Variants in PCDHA4 observed in about 807,000 individuals in gnomAD.
The protein encoded by PCDHA4 is protocadherin alpha 4, also known as protocadherin alpha-4.
Under a neutral mutation model 61.4 loss-of-function variants are expected in PCDHA4, and 49 were observed. That is an observed-to-expected ratio of 0.80 (90% CI 0.63 to 1.01). The LOEUF (loss-of-function observed/expected upper bound fraction) is 1.01. Among genes scored for constraint, PCDHA4 ranks in the 50% least tolerant of loss-of-function variants. The pLI is 0.00. For missense variants in PCDHA4, 1,254 were observed against 1,235.8 expected (o/e 1.01, Z -0.22); for synonymous variants, 590 against 550.3 (o/e 1.07, Z -1.01).
At position 140,980,684 on chromosome 5, in the gene PCDHA4, GA is replaced by G. The variant is rs782726576; in HGVS notation, c.2444+1687del. 1.5e-4 allele frequency among the ~76,000 whole-genome samples: 22 copies of G among 145,136 alleles called. No individual in the cohort carries two copies. In the East Asian group the frequency reaches 2.6e-3, roughly 17 times the overall value. ...AACTTCCTTATCCCATTTTCAAATT[GA>G]AAAAAAAAAGCCAAATGTGCTCCTA... On this transcript the variant is annotated intron_variant, in intron 2 of 3. Transcript: ENST00000530339.
chr5:140,856,987 C>G (rs144244943), intron 1 of PCDHA4: 1 of 1,595,238 alleles, frequency 6.3e-7, no homozygotes, highest in Non-Finnish European at 8.6e-7. Flanking sequence ...AGGACAGTAA[C>G]ACTTATGAAA....
intron 1 of PCDHA4, chr5:140,857,507 G>A (rs782043318): frequency 1.3e-6 from 2 of 1,598,186 alleles, no homozygotes; most frequent in South Asian, 1.1e-5. Context: ...GCAGGAGAAC[G>A]CCCTGGTGTC....
In PCDHA4 at chr5:140,868,951, A is replaced by G; in HGVS notation, c.2385+59379A>G. On this transcript the variant is annotated intron_variant, in intron 1 of 3. Transcript: ENST00000530339. ...TAAAGGTTGGTCTGAACAGTGAGGC[A>G]CTCCCATACAAAGGAACTCCATCAT... 4.5e-6 allele frequency: 6 copies of G among 1,321,586 alleles called. No individual in the cohort carries two copies. The South Asian group carries it at 7.6e-5, about 17-fold the overall frequency. The allele number at this position is 1,321,586 out of a possible 1,614,324, so 81.9% of individuals were successfully genotyped here. A position where few individuals can be genotyped will look rare whatever the true frequency, so the allele number is the denominator to read the frequency against.
rs1554124007 is a variant in PCDHA4 at position 140,807,430 on chromosome 5, T to C, written c.243T>C (p.Asn81=). The C allele has an allele frequency of 1.9e-6, 3 of 1,597,568 alleles. No homozygotes were observed. Among genetic ancestry groups the C allele is most frequent in the Non-Finnish European group, 2.6e-6 (3 of 1,173,872 alleles). The change falls in exon 1 of 4, where the codon AAT becomes AAC. Residue 81 remains asparagine, a synonymous_variant. Transcript: ENST00000530339. ...RGGLLEVNLQ[N]GILFVNSRID... is the part of the protein sequence containing the mutation. ...GCCTTCTGGAGGTAAATCTGCAGAA[T>C]GGCATTTTGTTTGTGAATTCTCGGA...
At chr5:140,969,473 A>C (rs562575347) in intron 1 of PCDHA4, 2 of 1,478,208 alleles carry the variant, frequency 1.4e-6, no homozygotes, top group South Asian at 2.8e-5. Context: ...CCACAATTTG[A>C]TCATAATCTG....
intron 2 of PCDHA4, among the ~76,000 whole-genome samples, chr5:140,980,777 A>C (rs2096905451): frequency 6.6e-6 from 1 of 152,244 alleles, no homozygotes; most frequent in Non-Finnish European, 1.5e-5. Flanking sequence ...ATTGAAATTA[A>C]AATGCCATTT....
intron 1 of PCDHA4, chr5:140,836,453 G>C: frequency 6.2e-7 from 1 of 1,613,854 alleles, no homozygotes; most frequent in Non-Finnish European, 8.5e-7. Context: ...CAGGCCCAGA[G>C]ACCGAGCTGG....
At chr5:140,824,255 G>A in intron 1 of PCDHA4, 2 of 1,376,076 alleles carry the variant, frequency 1.5e-6, no homozygotes, top group Non-Finnish European at 2.0e-6. Context: ...CACAATTATT[G>A]CACTAATTCA....
At chr5:140,930,413 G>A (rs1461655739) in intron 1 of PCDHA4, 1 of 151,722 alleles carries the variant, frequency 6.6e-6, no homozygotes, top group Non-Finnish European at 1.5e-5. Flanking sequence ...TTTGAGACAG[G>A]GGTCTCACTA....
chr5:140,962,557 C>A (rs1554226125), intron 1 of PCDHA4, among the ~76,000 whole-genome samples: 2 of 152,112 alleles, frequency 1.3e-5, no homozygotes, highest in Admixed American at 6.6e-5. Flanking sequence ...AGGATCTCCC[C>A]CTAAAAGCCA....
intron 1 of PCDHA4, chr5:140,927,810 G>C: frequency 6.2e-7 from 1 of 1,614,200 alleles, no homozygotes. Flanking sequence ...AAACGCTCTT[G>C]GAGGCATACA....
intron 1 of PCDHA4, chr5:140,884,015 C>T: frequency 6.2e-7 from 1 of 1,613,158 alleles, no homozygotes. Flanking sequence ...GCTGATGCCG[C>T]GGTCGGTGGG....
chr5:140,811,802 T>A (rs558844210), intron 1 of PCDHA4: 2 of 152,236 alleles, frequency 1.3e-5, no homozygotes, highest in Admixed American at 6.5e-5. Flanking sequence ...TGTCTTCTTT[T>A]GAGAAGTGTC....
rs782451974 is a variant in PCDHA4, at chr5:141,009,822, T to A, written c.2729T>A (p.Phe910Tyr). 6.2e-7 allele frequency: 1 copy of A among 1,613,720 alleles called. No individual in the cohort carries two copies. The highest frequency in any genetic ancestry group is 2.2e-5 in the East Asian group (1 of 44,866). Residue 910 changes from phenylalanine (F) to tyrosine (Y), a missense_variant, in exon 4 of 4, where the codon TTC (phenylalanine) becomes TAC (tyrosine). Physicochemically the swap from Phe to Tyr is conservative, Grantham distance 22. Transcript: ENST00000530339. ...AACAGCCAAATTGACAAAAGTGACTTCATAACCTTCGGCAAAAAGGAGGAG... is the reference window on the plus strand; with the variant it reads ...AACAGCCAAATTGACAAAAGTGACTACATAACCTTCGGCAAAAAGGAGGAG... ...PTNSQIDKSDFITFGKKEETK... is the reference protein window; with the variant it reads ...PTNSQIDKSDYITFGKKEETK...
chr5:140,876,256 A>G (rs1554168418), intron 1 of PCDHA4: 1 of 1,614,042 alleles, frequency 6.2e-7, no homozygotes, highest in East Asian at 2.2e-5. Context: ...CACAAGAGTG[A>G]TCCAACTAAA....
chr5:140,968,500 C>T, intron 1 of PCDHA4: 2 of 1,614,222 alleles, frequency 1.2e-6, no homozygotes, highest in Middle Eastern at 1.6e-4. Context: ...ATGCCCCTCA[C>T]ATTCTGTACC....
intron 1 of PCDHA4, chr5:140,829,570 G>A (rs2150170338): frequency 1.2e-6 from 2 of 1,612,580 alleles, no homozygotes; most frequent in East Asian, 2.2e-5. Context: ...TGTCCTACTC[G>A]CTGGTGGAGC....
At chr5:140,951,746 C>A (rs2094627797) in intron 1 of PCDHA4, among the ~76,000 whole-genome samples, 1 of 152,128 alleles carries the variant, frequency 6.6e-6, no homozygotes, top group African/African-American at 2.4e-5. Flanking sequence ...ACTGCCCTCA[C>A]CCTCCGCGAA....
rs575141569 is a variant in PCDHA4, at chr5:140,917,876, CT to C, written c.2386-61063del. Among the ~76,000 whole-genome samples, 1,293 of 147,130 alleles carry C rather than the reference CT, an allele frequency of 8.8e-3. 5 individuals carry two copies. Among genetic ancestry groups the C allele is most frequent in the African/African-American group, 0.02 (816 of 40,244 alleles). ...TAGGATTGCTTTGACTATTTGGGCT[CT>C]TTTTTTTTTCCATATGAATGTTAGG... On this transcript the variant is annotated intron_variant, in intron 1 of 3. Coordinates refer to ENST00000530339, the MANE Select transcript of PCDHA4 (RefSeq NM_018907.4).
Sources: allele counts gnomAD v4.1 joint callset (sites outside exome capture counted in the v4.1 genomes callset), GRCh38; gene constraint gnomAD v4.1.1; transcripts MANE v1.5; gene names NCBI Gene and HGNC (gene_info 2026-07-23, HGNC 2026-07-21).